Variants in EFTUD2 observed in about 807,000 individuals in gnomAD.
EFTUD2 encodes the protein 116 kDa U5 small nuclear ribonucleoprotein component.
In EFTUD2, 9 loss-of-function variants were observed where a neutral mutation model predicts 114.3. That is an observed-to-expected ratio of 0.08 (90% CI 0.05 to 0.14). EFTUD2 has a LOEUF of 0.14. Among genes scored for constraint, EFTUD2 ranks in the 10% least tolerant of loss-of-function variants. The pLI, the probability that EFTUD2 is intolerant of heterozygous loss-of-function variation, is 1.00. For missense variants in EFTUD2, 765 were observed against 1,241.2 expected, an observed-to-expected ratio of 0.62 and a Z score of 5.76; for synonymous variants, 449 against 462.3, an observed-to-expected ratio of 0.97 and a Z score of 0.37.
chr17:44,887,661 C>T (rs890060893), intron 2 of EFTUD2, among the ~76,000 whole-genome samples: 34 of 151,968 alleles, frequency 2.2e-4, no homozygotes, highest in Non-Finnish European at 4.3e-4. Context: ...GCAGATTGCC[C>T]AGGGCTGGCA....
At chr17:44,868,127 C>A (rs2050783998) in intron 12 of EFTUD2, among the ~76,000 whole-genome samples, 160 bp downstream of exon 12, 1 of 149,862 alleles carries the variant, frequency 6.7e-6, no homozygotes, top group African/African-American at 2.5e-5. Context: ...CAGATCAGAG[C>A]TTAGGAAGCC....
chr17:44,860,136 G>T, intron 17 of EFTUD2, 91 bp from the exon 18 acceptor site: 5 of 1,574,456 alleles, frequency 3.2e-6, no homozygotes, highest in Non-Finnish European at 4.3e-6. Flanking sequence ...ACTTGCTTAG[G>T]ATCAGACTAT....
intron 2 of EFTUD2, among the ~76,000 whole-genome samples, chr17:44,890,828 T>C (rs555867808): frequency 1.3e-5 from 2 of 152,312 alleles, no homozygotes; most frequent in East Asian, 3.9e-4. Flanking sequence ...ACATATTAAC[T>C]AAGTATAAAT....
At chr17:44,881,926 ATTTT>A in intron 6 of EFTUD2, 1 of 541,508 alleles carries the variant, frequency 1.8e-6, no homozygotes, top group Non-Finnish European at 3.3e-6. Context: ...GTGTGGAGGG[ATTTT>A]TTTATTTTTA....
chr17:44,897,575 A>AT (rs755966754), intron 1 of EFTUD2, among the ~76,000 whole-genome samples: 1 of 151,788 alleles, frequency 6.6e-6, no homozygotes, highest in Non-Finnish European at 1.5e-5. Flanking sequence ...TTATTTTTTT[A>AT]TTTTTTTGAG....
chr17:44,851,033 C>T lies in EFTUD2; in HGVS notation c.*241G>A, dbSNP rs1450065103. On this transcript the variant is annotated 3_prime_UTR_variant, in exon 28 of 28. Transcript: ENST00000426333. The stretch of plus-strand genomic sequence containing the variant: ...TTTCATCCCCTTCTCTTTCTGTGAG[C>T]CCAAGCTCCTCTCTTTTCCTTGGGA... The T allele has an allele frequency of 1.2e-5, 6 of 492,518 alleles. No individual in the cohort carries two copies. Among genetic ancestry groups the T allele is most frequent in the Non-Finnish European group, 1.1e-5 (3 of 272,468 alleles). The allele number at this position is 492,518 out of a possible 1,614,324, so 30.5% of individuals were successfully genotyped here. A position where few individuals can be genotyped will look rare whatever the true frequency, so the allele number is the denominator to read the frequency against.
chr17:44,860,528 C>T lies in EFTUD2; in HGVS notation c.1623G>A (p.Val541=). 2 of 1,612,822 alleles carry T rather than the reference C, an allele frequency of 1.2e-6. No individual in the cohort carries two copies. Among genetic ancestry groups the T allele is most frequent in the Non-Finnish European group, 1.7e-6 (2 of 1,179,056 alleles). The part of the protein sequence containing the change: ...WISVARYHIE[V]NRVPAGNWVL... ...CCCAGTTGCCAGCAGGAACACGGTT[C>T]ACCTCGATGTGGTACCTGAAGCAAT... The change falls in exon 17 of 28, where the codon GTG becomes GTA. Residue 541 remains valine (V), a synonymous_variant. Coordinates refer to ENST00000426333, the MANE Select transcript of EFTUD2 (RefSeq NM_004247.4).
intron 1 of EFTUD2, among the ~76,000 whole-genome samples, chr17:44,897,215 CAAAAAA>C (rs60766041): frequency 1.5e-5 from 1 of 66,516 alleles, no homozygotes; most frequent in African/African-American, 5.5e-5. Flanking sequence ...GACTCCGTCT[CAAAAAA>C]AAAAAAAAAA....
rs192019499 is a variant in EFTUD2 at position 44,866,355 on chromosome 17, T to C, written c.1150-1290A>G. Reference sequence around the variant, plus strand: ...GACCACCAGGGTTCAAGCAATCCTCTGGCCTCAGCCTCCTGAGTAGCTGGG... The same window carrying C: ...GACCACCAGGGTTCAAGCAATCCTCCGGCCTCAGCCTCCTGAGTAGCTGGG... On this transcript the variant is annotated intron_variant, in intron 13 of 27. Coordinates refer to ENST00000426333, the MANE Select transcript of EFTUD2 (RefSeq NM_004247.4). Among the ~76,000 whole-genome samples the C allele has an allele frequency of 7.1e-3, 1,088 of 152,262 alleles. 12 individuals carry two copies. The highest frequency in any genetic ancestry group is 0.025 in the African/African-American group (1,029 of 41,550).
chr17:44,881,801 C>A, intron 6 of EFTUD2, 79 bp from the exon 7 acceptor site: 1 of 1,347,536 alleles, frequency 7.4e-7, no homozygotes, highest in Non-Finnish European at 1.1e-6. Flanking sequence ...CTTTCCCTCA[C>A]TACCTCCCAG....
At chr17:44,873,248 C>T (rs1383186862) in intron 10 of EFTUD2, 1 of 152,204 alleles carries the variant, frequency 6.6e-6, no homozygotes, top group African/African-American at 2.4e-5. Context: ...CACTCTACCC[C>T]CAAGTTATGC....
intron 2 of EFTUD2, chr17:44,892,256 G>T (rs956740056): frequency 2.0e-5 from 3 of 152,334 alleles, no homozygotes; most frequent in Admixed American, 2.0e-4. Flanking sequence ...GGGAGGCCAA[G>T]GCAGGCAGAT....
chr17:44,853,712 T>C, intron 23 of EFTUD2, 77 bp from the exon 24 acceptor site: 5 of 1,586,980 alleles, frequency 3.2e-6, no homozygotes, highest in Non-Finnish European at 3.4e-6. Context: ...AGCAGTCTCC[T>C]GCAACACTGC....
At chr17:44,856,294 C>T (rs995763716) in intron 20 of EFTUD2, among the ~76,000 whole-genome samples, 9 of 151,316 alleles carry the variant, frequency 5.9e-5, no homozygotes, top group South Asian at 2.1e-4. Flanking sequence ...TTTGGGAGGC[C>T]GAGGCGGGCG....
Position 44,854,338 on chromosome 17 carries a change from C to G in EFTUD2, c.2278G>C (p.Gly760Arg), listed in dbSNP as rs1047535733. The G allele has an allele frequency of 6.2e-7, 1 of 1,613,916 alleles. No individual in the cohort carries two copies. Among genetic ancestry groups the G allele is most frequent in the Non-Finnish European group, 8.5e-7 (1 of 1,179,946 alleles). ...TGAACGATGCTGTCCTTCACTGAAC[C>G]AAGAAGAGCCTTGTCCACCTATAGA... ...LPSEVDKALL[G>R]SVKDSIVQGF... is the part of the protein sequence containing the mutation. The change falls in exon 23 of 28, where the codon GGT becomes CGT. Residue 760 changes from glycine (G) to arginine (R), a missense_variant. Physicochemically the swap from Gly to Arg is moderately radical, Grantham distance 125. Coordinates refer to ENST00000426333, the MANE Select transcript of EFTUD2 (RefSeq NM_004247.4). This position sits in a 1 kb window ranked among gnomAD's most constrained non-coding sequence, Gnocchi z 4.3.
chr17:44,883,196 G>T, intron 5 of EFTUD2, 38 bp from the exon 6 acceptor site: 3 of 1,606,202 alleles, frequency 1.9e-6, no homozygotes, highest in Non-Finnish European at 2.6e-6. Flanking sequence ...GCCGACCACA[G>T]AGGAAAATTT....
chr17:44,864,871 T>G (rs146564069), intron 14 of EFTUD2, 59 bp downstream of exon 14: 1,309 of 1,580,798 alleles, frequency 8.3e-4, no homozygotes, highest in Non-Finnish European at 9.2e-4. Context: ...AAAATTGCTG[T>G]GATACCTGTG....
At chr17:44,859,586 A>C (rs2050618524) in intron 18 of EFTUD2, 1 of 515,614 alleles carries the variant, frequency 1.9e-6, no homozygotes, top group Non-Finnish European at 3.5e-6. Context: ...TTCAAAGTAT[A>C]CTCATTAAGA....
At chr17:44,852,226 CT>C (rs879900558) in intron 26 of EFTUD2, among the ~76,000 whole-genome samples, 182 bp downstream of exon 26, 477 of 144,300 alleles carry the variant, frequency 3.3e-3, no homozygotes, top group Admixed American at 3.1e-3. Flanking sequence ...CCTATTATTT[CT>C]TTTTTTTTTT....
Sources: gnomAD v4.1 joint callset for allele counts (sites outside exome capture counted in the v4.1 genomes callset) on GRCh38, gnomAD v4.1.1 for gene constraint, Gnocchi (gnomAD v3.1) non-coding constraint, MANE v1.5 for transcripts, NCBI Gene and HGNC (gene_info 2026-07-23, HGNC 2026-07-21) for gene names.